Variants in DUSP22 observed in about 807,000 individuals in gnomAD.
The protein encoded by DUSP22 is dual specificity protein phosphatase 22.
In DUSP22, 24 loss-of-function variants were observed where a neutral mutation model predicts 24.5. The ratio of observed to expected loss-of-function variants is 0.98; its 90% CI spans 0.71 to 1.38. The LOEUF (loss-of-function observed/expected upper bound fraction) is 1.38, where lower values mean the gene tolerates loss of function less well. Ranked by LOEUF, DUSP22 falls within the 40% of genes most tolerant of loss-of-function variation. DUSP22 has a pLI of 0.00. For missense variants in DUSP22, 330 were observed against 269.2 expected, an observed-to-expected ratio of 1.23 and a Z score of -1.58; for synonymous variants, 160 against 106.4, an observed-to-expected ratio of 1.50 and a Z score of -3.10.
chr6:350,316 A>G lies in DUSP22; in HGVS notation c.*1365A>G. On this transcript the variant is annotated 3_prime_UTR_variant, in exon 7 of 7. Transcript: ENST00000419235. ...CAGTTTGTACTCTGGGGCTGCAGGC[A>G]TCCTGGGACGCTGTACGCAATTCAG... The G allele has an allele frequency of 1.0e-6, 1 of 999,824 alleles. No individual in the cohort carries two copies. The highest frequency in any genetic ancestry group is 1.2e-6 in the Non-Finnish European group (1 of 839,096). The allele number at this position is 999,824 out of a possible 1,614,324, so 61.9% of individuals were successfully genotyped here.
chr6:299,372 A>G (rs1422248710), intron 1 of DUSP22, among the ~76,000 whole-genome samples: 4 of 152,308 alleles, frequency 2.6e-5, no homozygotes, highest in African/African-American at 9.6e-5. Flanking sequence ...TTCAGGGATT[A>G]CCAGCAACAA....
chr6:337,363 T>G (rs574480140), intron 4 of DUSP22, among the ~76,000 whole-genome samples: 2 of 152,418 alleles, frequency 1.3e-5, no homozygotes, highest in African/African-American at 4.8e-5. Flanking sequence ...CTCTGAGCAC[T>G]TGTAAAACTG....
In DUSP22 at chr6:336,657, C is replaced by T. The variant is rs1246566233; in HGVS notation, c.188+1494C>T. On this transcript the variant is annotated intron_variant, in intron 4 of 6. Transcript: ENST00000419235. ...GAAGCTGGAGCCACTGTGTGCTCCC[C>T]AGGGGCTGTGTTTCCACATGCACTC... is the stretch of plus-strand genomic sequence containing the variant. 2.0e-5 allele frequency among the ~76,000 whole-genome samples: 3 copies of T among 152,426 alleles called. No homozygotes were observed. In the East Asian group the frequency reaches 5.8e-4, roughly 29 times the overall value.
chr6:340,695 C>T (rs1357045108), intron 4 of DUSP22, among the ~76,000 whole-genome samples: 2 of 152,312 alleles, frequency 1.3e-5, no homozygotes, highest in Non-Finnish European at 2.9e-5. Flanking sequence ...TCCCTGTGGC[C>T]TTGCTGCTGT....
intron 3 of DUSP22, among the ~76,000 whole-genome samples, chr6:318,422 A>G (rs28379254): frequency 6.6e-6 from 1 of 152,308 alleles, no homozygotes; most frequent in Non-Finnish European, 1.5e-5. Context: ...TTGTAAAGGG[A>G]GAGCCTCATT....
At chr6:308,960 G>C (rs1425179422) in intron 2 of DUSP22, among the ~76,000 whole-genome samples, 1 of 152,306 alleles carries the variant, frequency 6.6e-6, no homozygotes, top group East Asian at 1.9e-4. Flanking sequence ...ACCTCCTCCA[G>C]GTTCTGTGAG....
chr6:323,179 T>C (rs1758689735), intron 3 of DUSP22, among the ~76,000 whole-genome samples: 1 of 152,304 alleles, frequency 6.6e-6, no homozygotes, highest in Non-Finnish European at 1.5e-5. Flanking sequence ...GTCCATGCTT[T>C]TAAAAATGTG....
intron 1 of DUSP22, 106 bp from the exon 2 acceptor site, chr6:304,522 A>G (rs1757733454): frequency 2.0e-6 from 3 of 1,511,002 alleles, no homozygotes; most frequent in Non-Finnish European, 1.8e-6. Context: ...TGTACTGGGG[A>G]AGCACCTGGC....
chr6:313,552 G>A (rs1758203002), intron 3 of DUSP22, among the ~76,000 whole-genome samples: 1 of 152,304 alleles, frequency 6.6e-6, no homozygotes, highest in African/African-American at 2.4e-5. Flanking sequence ...GTGTAGCTCA[G>A]TCTGTAAGGA....
At chr6:335,982 G>A (rs867961001) in intron 4 of DUSP22, among the ~76,000 whole-genome samples, 9 of 152,296 alleles carry the variant, frequency 5.9e-5, no homozygotes, top group Non-Finnish European at 1.2e-4. Context: ...AAGAAATCCC[G>A]TGGAGACAGA....
At chr6:311,163 G>A (rs1001457128) in intron 2 of DUSP22, among the ~76,000 whole-genome samples, 1 of 152,424 alleles carries the variant, frequency 6.6e-6, no homozygotes, top group Non-Finnish European at 1.5e-5. Context: ...CTGGCTATAC[G>A]ATATTGAACT....
chr6:309,538 A>T (rs1235254828), intron 2 of DUSP22, among the ~76,000 whole-genome samples: 2 of 152,306 alleles, frequency 1.3e-5, no homozygotes, highest in South Asian at 2.1e-4. Flanking sequence ...GACGTTGCTG[A>T]ATGTTTAGAA....
At chr6:331,607 A>G (rs1409921197) in intron 3 of DUSP22, among the ~76,000 whole-genome samples, 2 of 152,424 alleles carry the variant, frequency 1.3e-5, no homozygotes, top group East Asian at 3.8e-4. Context: ...ATTCATTAGT[A>G]CTAGGATACT....
At chr6:330,957 C>T (rs1759114136) in intron 3 of DUSP22, among the ~76,000 whole-genome samples, 1 of 152,310 alleles carries the variant, frequency 6.6e-6, no homozygotes, top group African/African-American at 2.4e-5. Flanking sequence ...GTCCCCTCAA[C>T]ACAGGTAGAG....
intron 3 of DUSP22, among the ~76,000 whole-genome samples, chr6:327,809 G>C (rs2127408338): frequency 6.6e-6 from 1 of 152,428 alleles, no homozygotes; most frequent in African/African-American, 2.4e-5. Flanking sequence ...GGACTTGGCA[G>C]GATGGCCGGG....
At chr6:299,279 C>A (rs1315421356) in intron 1 of DUSP22, among the ~76,000 whole-genome samples, 1 of 152,424 alleles carries the variant, frequency 6.6e-6, no homozygotes, top group East Asian at 1.9e-4. Context: ...CAGATAAACA[C>A]CTTGTGGTTC....
rs1219544011 is a variant in DUSP22, at chr6:350,411, G to A, written c.*1460G>A. The A allele has an allele frequency of 1.1e-5, 12 of 1,100,988 alleles. No individual in the cohort carries two copies. Among genetic ancestry groups the A allele is most frequent in the African/African-American group, 3.3e-5 (2 of 60,110 alleles). The allele number at this position is 1,100,988 out of a possible 1,614,324, so 68.2% of individuals were successfully genotyped here. A position where few individuals can be genotyped will look rare whatever the true frequency, so the allele number is the denominator to read the frequency against. Reference sequence around the variant, plus strand: ...GTCACTCGAATGAAAAAACATACTCGACCTCTCCCTAAAAAGATGTTGCAA... The same window carrying A: ...GTCACTCGAATGAAAAAACATACTCAACCTCTCCCTAAAAAGATGTTGCAA... On this transcript the variant is annotated 3_prime_UTR_variant, in exon 7 of 7. Transcript: ENST00000419235.
rs1758127830 is a variant in DUSP22, at chr6:311,972, C to A, written c.138+10C>A. On this transcript the variant is annotated intron_variant, in intron 3 of 6. Transcript: ENST00000419235. ...CAGGCCTATGTTGGAGGTAAGAGAG[C>A]ACCGTGGGGCGTGTGTGGGTGTCCT... 1.9e-6 allele frequency: 3 copies of A among 1,608,418 alleles called. No individual in the cohort carries two copies. The highest frequency in any genetic ancestry group is 2.5e-6 in the Non-Finnish European group (3 of 1,177,106).
chr6:328,678 A>T (rs1759000924), intron 3 of DUSP22, among the ~76,000 whole-genome samples: 2 of 152,304 alleles, frequency 1.3e-5, no homozygotes, highest in Admixed American at 6.5e-5. Flanking sequence ...TCAGTGGCAA[A>T]TGGGTGCTTT....
Sources: allele counts gnomAD v4.1 joint callset (sites outside exome capture counted in the v4.1 genomes callset), GRCh38; gene constraint gnomAD v4.1.1; transcripts MANE v1.5; gene names NCBI Gene and HGNC (gene_info 2026-07-23, HGNC 2026-07-21).